FAM210B: variants seen among roughly 807,000 people sequenced by gnomAD.
FAM210B encodes the protein family with sequence similarity 210 member B.
Under a neutral mutation model 14.9 loss-of-function variants are expected in FAM210B, and 11 were observed. The observed-to-expected ratio is 0.74, with a 90% CI of 0.46 to 1.22. FAM210B has a LOEUF of 1.22. Ranked by LOEUF, FAM210B falls within the 50% of genes most tolerant of loss-of-function variation. The pLI is 0.00. For synonymous variants in FAM210B, 113 were observed against 110.2 expected (o/e 1.03, Z -0.16); for missense variants, 229 against 250.1 (o/e 0.92, Z 0.57).
chr20:56,365,986 A>AT lies in FAM210B; in HGVS notation c.363-85_363-84insT. ...TTCAGCTACTTCATTACATTTTTTA[A>AT]AATACTGTAAATCTTATAGCCAAAT... is the stretch of plus-strand genomic sequence containing the variant. On this transcript the variant is annotated intron_variant, in intron 2 of 2. Transcript: ENST00000371384. 3.3e-6 allele frequency: 3 copies of AT among 899,466 alleles called. 1 individual carries two copies. Among genetic ancestry groups the AT allele is most frequent in the Non-Finnish European group, 4.8e-6 (3 of 628,628 alleles). The allele number at this position is 899,466 out of a possible 1,614,324, so 55.7% of individuals were successfully genotyped here.
rs1983705829 is a variant in FAM210B, at chr20:56,368,647, C to G, written c.*2360C>G. 1 of 152,218 alleles carries G rather than the reference C, an allele frequency of 6.6e-6. No individual in the cohort carries two copies. The highest frequency in any genetic ancestry group is 1.5e-5 in the Non-Finnish European group (1 of 68,028). The allele number at this position is 152,218 out of a possible 1,614,324, so 9.4% of individuals were successfully genotyped here. A position where few individuals can be genotyped will look rare whatever the true frequency, so the allele number is the denominator to read the frequency against. On this transcript the variant is annotated 3_prime_UTR_variant, in exon 3 of 3. Coordinates refer to ENST00000371384, the MANE Select transcript of FAM210B (RefSeq NM_080821.3). The stretch of plus-strand genomic sequence containing the variant: ...TTATGGAACTAGCAGAATAAAACAT[C>G]TATTTTAAAAATGAAAGCCATTGTT...
Position 56,368,329 on chromosome 20 carries a change from CAAAAAAAAA to C in FAM210B, c.*2047_*2055del, listed in dbSNP as rs148519468. 4 of 94,006 alleles carry C rather than the reference CAAAAAAAAA, an allele frequency of 4.3e-5. No individual in the cohort carries two copies. The highest frequency in any genetic ancestry group is 5.0e-5 in the Non-Finnish European group (2 of 40,130). 5.8% of individuals were successfully genotyped at this position (94,006 alleles called of 1,614,324 possible). A position where few individuals can be genotyped will look rare whatever the true frequency, so the allele number is the denominator to read the frequency against. ...ATTTATGTCCCTAGTAATGCCTATG[CAAAAAAAAA>C]AAAAGAAAAAAAAGAAAAACTGATG... On this transcript the variant is annotated 3_prime_UTR_variant, in exon 3 of 3. Transcript: ENST00000371384.
chr20:56,359,363 C>T lies in FAM210B; in HGVS notation c.186+172C>T, dbSNP rs1204341747. On this transcript the variant is annotated intron_variant, in intron 1 of 2. Transcript: ENST00000371384. The surrounding 1 kb of genome is among the most constrained non-coding windows in gnomAD (Gnocchi z 4.3). ...CCCAAATCCCTGCAAGCCAAGGAAGCGATCCTCCTAGTTGACAGCCAGAGA... is the reference window on the plus strand; with the variant it reads ...CCCAAATCCCTGCAAGCCAAGGAAGTGATCCTCCTAGTTGACAGCCAGAGA... 1.3e-5 allele frequency among the ~76,000 whole-genome samples: 2 copies of T among 152,232 alleles called. No individual in the cohort carries two copies. Among genetic ancestry groups the T allele is most frequent in the Non-Finnish European group, 2.9e-5 (2 of 68,048 alleles).
chr20:56,360,268 GGCCCA>G, intron 1 of FAM210B: 1 of 469,500 alleles, frequency 2.1e-6, no homozygotes, highest in Admixed American at 2.3e-5. Context: ...GATTCTTCAG[GGCCCA>G]GCCCAGCTGT....
rs958219314 is a variant in FAM210B, at chr20:56,359,235, C to G, written c.186+44C>G. The G allele has an allele frequency of 8.2e-6, 10 of 1,218,316 alleles. No homozygotes were observed. In the East Asian group the frequency reaches 2.9e-4, roughly 36 times the overall value. The allele number at this position is 1,218,316 out of a possible 1,614,324, so 75.5% of individuals were successfully genotyped here. A position where few individuals can be genotyped will look rare whatever the true frequency, so the allele number is the denominator to read the frequency against. ...CCCTGATCCCGGGCGGTGTCCAGGTCCCCAGACGTCCGCAGGGCCGCGCCG... is the reference window on the plus strand; with the variant it reads ...CCCTGATCCCGGGCGGTGTCCAGGTGCCCAGACGTCCGCAGGGCCGCGCCG... On this transcript the variant is annotated intron_variant, in intron 1 of 2. Coordinates refer to ENST00000371384, the MANE Select transcript of FAM210B (RefSeq NM_080821.3). The surrounding 1 kb of genome is among the most constrained non-coding windows in gnomAD (Gnocchi z 4.3).
In FAM210B at chr20:56,367,324, G is replaced by C. The variant is rs1983655629; in HGVS notation, c.*1037G>C. ...CCCAATGAAGGGCATATGTGTTAGA[G>C]AGATTAGCTAAGAGTAGAAATTCGA... On this transcript the variant is annotated 3_prime_UTR_variant, in exon 3 of 3. Transcript: ENST00000371384. 1 of 152,248 alleles carries C rather than the reference G, an allele frequency of 6.6e-6. No individual in the cohort carries two copies. The highest frequency in any genetic ancestry group is 1.5e-5 in the Non-Finnish European group (1 of 68,084). The allele number at this position is 152,248 out of a possible 1,614,324, so 9.4% of individuals were successfully genotyped here.
rs1392260385 is a variant in FAM210B at position 56,362,381 on chromosome 20, C to T, written c.187-2706C>T. ...CACACATGTGCATGCATGCTGAGTA[C>T]AGACAGAAGATGTGTCACGCCGTCC... On this transcript the variant is annotated intron_variant, in intron 1 of 2. Coordinates refer to ENST00000371384, the MANE Select transcript of FAM210B (RefSeq NM_080821.3). The surrounding 1 kb of genome is among the most constrained non-coding windows in gnomAD (Gnocchi z 4.8). 6.6e-6 allele frequency among the ~76,000 whole-genome samples: 1 copy of T among 152,148 alleles called. No homozygotes were observed. Among genetic ancestry groups the T allele is most frequent in the East Asian group, 1.9e-4 (1 of 5,192 alleles).
chr20:56,365,726 A>C (rs1423687683), intron 2 of FAM210B, among the ~76,000 whole-genome samples: 2 of 152,092 alleles, frequency 1.3e-5, no homozygotes, highest in East Asian at 1.9e-4. Flanking sequence ...GGATGGTCTC[A>C]ATCTCTTGAC....
rs1294266318 is a variant in FAM210B, at chr20:56,367,742, A to C, written c.*1455A>C. 6.6e-6 allele frequency: 1 copy of C among 152,272 alleles called. No individual in the cohort carries two copies. The highest frequency in any genetic ancestry group is 1.5e-5 in the Non-Finnish European group (1 of 68,080). The allele number at this position is 152,272 out of a possible 1,614,324, so 9.4% of individuals were successfully genotyped here. Reference sequence around the variant, plus strand: ...GTAATTCTGTCCTGCGGGGTTCAGCATCATGCACGTTCCCCCTGGGCCATT... The same window carrying C: ...GTAATTCTGTCCTGCGGGGTTCAGCCTCATGCACGTTCCCCCTGGGCCATT... On this transcript the variant is annotated 3_prime_UTR_variant, in exon 3 of 3. Transcript: ENST00000371384.
chr20:56,365,381 C>T (rs1983612814), intron 2 of FAM210B, 119 bp downstream of exon 2: 10 of 1,073,738 alleles, frequency 9.3e-6, no homozygotes, highest in Non-Finnish European at 1.3e-5. Context: ...ACTGCCCAGG[C>T]TGGAGTGCAG....
In FAM210B at chr20:56,366,980, A is replaced by G. The variant is rs1390055417; in HGVS notation, c.*693A>G. 1 of 152,220 alleles carries G rather than the reference A, an allele frequency of 6.6e-6. No individual in the cohort carries two copies. Among genetic ancestry groups the G allele is most frequent in the Non-Finnish European group, 1.5e-5 (1 of 68,028 alleles). 9.4% of individuals were successfully genotyped at this position (152,220 alleles called of 1,614,324 possible). A position where few individuals can be genotyped will look rare whatever the true frequency, so the allele number is the denominator to read the frequency against. Reference sequence around the variant, plus strand: ...GTCTCTGTTTAGGTAAAATATAAAAACCCTGCCCAGTAGCAGTGGCATCGC... The same window carrying G: ...GTCTCTGTTTAGGTAAAATATAAAAGCCCTGCCCAGTAGCAGTGGCATCGC... On this transcript the variant is annotated 3_prime_UTR_variant, in exon 3 of 3. Transcript: ENST00000371384.
At position 56,365,070 on chromosome 20, in the gene FAM210B, C is replaced by T. The variant is rs1417177511; in HGVS notation, c.187-17C>T. On this transcript the variant is annotated splice_polypyrimidine_tract_variant and intron_variant, in intron 1 of 2. Transcript: ENST00000371384. ...TGCCTGCCCTAAAGCACCTCCTCTT[C>T]TCTGATTTGTACACAGGACCCCAGC... The T allele has an allele frequency of 6.2e-7, 1 of 1,606,560 alleles. No homozygotes were observed.
chr20:56,360,348 T>G (rs541526000), intron 1 of FAM210B: 1 of 430,970 alleles, frequency 2.3e-6, no homozygotes, highest in African/African-American at 2.0e-5. Flanking sequence ...TGGGCCTGCT[T>G]CCACCCCATG....
chr20:56,359,843 C>CG lies in FAM210B; in HGVS notation c.186+654dup, dbSNP rs1483449192. Among the ~76,000 whole-genome samples the CG allele has an allele frequency of 6.6e-6, 1 of 152,230 alleles. No individual in the cohort carries two copies. The highest frequency in any genetic ancestry group is 1.5e-5 in the Non-Finnish European group (1 of 68,040). ...AATGGCAAGCCCAGACACGCGGAGC[C>CG]GGCGTCCAGCCCGGAGCGCATCCGG... On this transcript the variant is annotated intron_variant, in intron 1 of 2. Transcript: ENST00000371384. This position sits in a 1 kb window ranked among gnomAD's most constrained non-coding sequence, Gnocchi z 4.3.
In FAM210B at chr20:56,363,743, T is replaced by C. The variant is rs1168951690; in HGVS notation, c.187-1344T>C. ...CAATCCATGATTTCTGTACAAGTCC[T>C]GGTAGGGCACTGTGCAAAAATCGCC... On this transcript the variant is annotated intron_variant, in intron 1 of 2. Transcript: ENST00000371384. This position sits in a 1 kb window ranked among gnomAD's most constrained non-coding sequence, Gnocchi z 4.1. Among the ~76,000 whole-genome samples, 2 of 152,222 alleles carry C rather than the reference T, an allele frequency of 1.3e-5. No homozygotes were observed. The highest frequency in any genetic ancestry group is 2.9e-5 in the Non-Finnish European group (2 of 68,032).
chr20:56,366,051 C>G lies in FAM210B; in HGVS notation c.363-20C>G, dbSNP rs561317192. ...AATCCCTTGCTGTAATAATTGTTTT[C>G]TTTGCTTCTTCCCCCCTAGTGGTGT... On this transcript the variant is annotated intron_variant, in intron 2 of 2. Transcript: ENST00000371384. 20 of 1,589,362 alleles carry G rather than the reference C, an allele frequency of 1.3e-5. No individual in the cohort carries two copies. The highest frequency in any genetic ancestry group is 1.7e-5 in the Non-Finnish European group (20 of 1,160,436).
chr20:56,365,481 A>G (rs1295475537), intron 2 of FAM210B, among the ~76,000 whole-genome samples: 1 of 151,222 alleles, frequency 6.6e-6, no homozygotes, highest in East Asian at 2.0e-4. Context: ...CACTACAGGC[A>G]TGCACCACTG....
rs1463791937 is a variant in FAM210B at position 56,367,978 on chromosome 20, G to C, written c.*1691G>C. 2 of 152,332 alleles carry C rather than the reference G, an allele frequency of 1.3e-5. No individual in the cohort carries two copies. Among genetic ancestry groups the C allele is most frequent in the Non-Finnish European group, 2.9e-5 (2 of 68,046 alleles). The allele number at this position is 152,332 out of a possible 1,614,324, so 9.4% of individuals were successfully genotyped here. On this transcript the variant is annotated 3_prime_UTR_variant, in exon 3 of 3. Transcript: ENST00000371384. ...TAACTGGCCATCCTGGTTTTGCAGA[G>C]ATCAGGTTGTTGACAGTTCCTGGTT...
chr20:56,361,909 G>A lies in FAM210B; in HGVS notation c.186+2718G>A, dbSNP rs145431281. Reference sequence around the variant, plus strand: ...GGAGAATCGCTTGAACCCGGGAGGCGGAGGTTGCAGTGAGCCAAGGTCGTA... The same window carrying A: ...GGAGAATCGCTTGAACCCGGGAGGCAGAGGTTGCAGTGAGCCAAGGTCGTA... On this transcript the variant is annotated intron_variant, in intron 1 of 2. Transcript: ENST00000371384. 1.8e-4 allele frequency among the ~76,000 whole-genome samples: 27 copies of A among 152,228 alleles called. 1 individual carries two copies. In the East Asian group the frequency reaches 2.9e-3, roughly 16 times the overall value.
Sources: allele counts gnomAD v4.1 joint callset (sites outside exome capture counted in the v4.1 genomes callset), GRCh38; gene constraint gnomAD v4.1.1; non-coding constraint Gnocchi (gnomAD v3.1); transcripts MANE v1.5; gene names NCBI Gene and HGNC (gene_info 2026-07-23, HGNC 2026-07-21).